The following MOSPD2 variants were observed in gnomAD, a reference collection of about 807,000 sequenced individuals.
MOSPD2 encodes motile sperm domain-containing protein 2.
A neutral mutation model predicts 41.7 loss-of-function variants in MOSPD2; 5 were observed. That is an observed-to-expected ratio of 0.12 (90% confidence interval 0.06 to 0.25). The LOEUF (loss-of-function observed/expected upper bound fraction) is 0.25. Among genes scored for constraint, MOSPD2 ranks in the 10% least tolerant of loss-of-function variants. MOSPD2 has a pLI of 1.00. For synonymous variants in MOSPD2, 115 were observed against 126.9 expected, an observed-to-expected ratio of 0.91 and a Z score of 0.63; for missense variants, 282 against 375.2, an observed-to-expected ratio of 0.75 and a Z score of 2.05.
At chrX:14,889,706 C>T (rs1324689740) in intron 2 of MOSPD2, among the ~76,000 whole-genome samples, 1 of 111,576 alleles carries the variant, frequency 9.0e-6, no homozygotes. Flanking sequence ...CAACAACTAG[C>T]ATGTTATATG....
rs766608454 is a variant in MOSPD2, at chrX:14,885,292, G to A, written c.80-7431G>A. The A allele has an allele frequency of 2.7e-5, 3 of 111,551 alleles. No homozygotes were observed. In the South Asian group the frequency reaches 1.1e-3, roughly 41 times the overall value. 9.2% of individuals were successfully genotyped at this position (111,551 alleles called of 1,213,427 possible). Reference sequence around the variant, plus strand: ...ACATTATTAAGCAACTACATCAGAAGTCACAATAATAGGTACTTAAAAACA... The same window carrying A: ...ACATTATTAAGCAACTACATCAGAAATCACAATAATAGGTACTTAAAAACA... On this transcript the variant is annotated intron_variant, in intron 2 of 14. Transcript: ENST00000380492.
intron 7 of MOSPD2, among the ~76,000 whole-genome samples, chrX:14,907,822 C>CT (rs1412082760): frequency 9.0e-6 from 1 of 111,003 alleles, no homozygotes; most frequent in Non-Finnish European, 1.9e-5. Flanking sequence ...CAACCATTGA[C>CT]TTGTATAAAG....
At chrX:14,908,776 A>G (rs1176368197) in intron 7 of MOSPD2, 84 bp from the exon 8 acceptor site, 1 of 915,115 alleles carries the variant, frequency 1.1e-6, no homozygotes, top group Non-Finnish European at 1.5e-6. Context: ...AACTGATTTC[A>G]GAAGACCTGG....
chrX:14,892,513 A>G (rs893320118), intron 2 of MOSPD2, among the ~76,000 whole-genome samples: 4 of 111,653 alleles, frequency 3.6e-5, no homozygotes, highest in Non-Finnish European at 7.5e-5. Context: ...ATCAGATTTC[A>G]ACAAGAGACT....
intron 7 of MOSPD2, among the ~76,000 whole-genome samples, chrX:14,907,985 T>C (rs1038505644): frequency 1.8e-5 from 2 of 112,229 alleles, no homozygotes; most frequent in African/African-American, 6.5e-5. Flanking sequence ...TATAGTTAGC[T>C]AAAATAAAAA....
intron 10 of MOSPD2, among the ~76,000 whole-genome samples, chrX:14,913,747 A>C (rs1022598379): frequency 6.2e-5 from 7 of 112,359 alleles, no homozygotes; most frequent in African/African-American, 1.9e-4. Context: ...AATTCACTTT[A>C]GTTAAATTAT....
At chrX:14,912,452 T>C in intron 10 of MOSPD2, 91 bp downstream of exon 10, 1 of 576,250 alleles carries the variant, frequency 1.7e-6, no homozygotes, top group East Asian at 4.0e-5. Flanking sequence ...TCTATTTGGT[T>C]TTTGAAACTG....
chrX:14,891,192 TACTTCTGG>T (rs1380652327), intron 2 of MOSPD2, among the ~76,000 whole-genome samples: 4 of 112,257 alleles, frequency 3.6e-5, no homozygotes, highest in Admixed American at 9.5e-5. Context: ...ACCAACCTAA[TACTTCTGG>T]ACTCAGGGAA....
At chrX:14,873,582 C>T (rs1284535735) in intron 1 of MOSPD2, 45 bp downstream of exon 1, 1 of 1,211,210 alleles carries the variant, frequency 8.3e-7, no homozygotes. Flanking sequence ...GACCCGGAAG[C>T]CGCCTCTGAG....
intron 10 of MOSPD2, 142 bp downstream of exon 10, chrX:14,912,503 G>C (rs1365178464): frequency 2.7e-6 from 1 of 370,724 alleles, no homozygotes; most frequent in African/African-American, 2.7e-5. Context: ...ACTTACCTTG[G>C]TTTCCAGACG....
intron 2 of MOSPD2, among the ~76,000 whole-genome samples, chrX:14,878,977 G>A (rs1361100157): frequency 1.8e-5 from 2 of 111,971 alleles, no homozygotes; most frequent in Non-Finnish European, 3.8e-5. Context: ...TGCATTTGGT[G>A]TTACTCATTC....
intron 2 of MOSPD2, among the ~76,000 whole-genome samples, chrX:14,887,123 G>C (rs1170197140): frequency 8.9e-6 from 1 of 112,139 alleles, no homozygotes; most frequent in Non-Finnish European, 1.9e-5. Context: ...GGAGAAATAA[G>C]AGATCCTAAG....
At chrX:14,888,190 A>ATG (rs1489517002) in intron 2 of MOSPD2, among the ~76,000 whole-genome samples, 3,687 of 75,365 alleles carry the variant, frequency 0.049, 84 homozygotes, top group African/African-American at 0.096. Flanking sequence ...TATTGGGAGA[A>ATG]TATATACACA....
chrX:14,895,281 T>C, intron 3 of MOSPD2, 27 bp from the exon 4 acceptor site: 1 of 891,465 alleles, frequency 1.1e-6, no homozygotes, highest in Non-Finnish European at 1.6e-6. Flanking sequence ...AAATTACAAC[T>C]ACTGATCAAA....
chrX:14,905,901 G>C (rs1194396619), intron 7 of MOSPD2, among the ~76,000 whole-genome samples: 4 of 110,932 alleles, frequency 3.6e-5, no homozygotes, highest in Admixed American at 2.9e-4. Flanking sequence ...TTGTCGTATT[G>C]GTTTTATTTA....
chrX:14,878,975 G>A (rs889236329), intron 2 of MOSPD2, among the ~76,000 whole-genome samples: 2 of 111,852 alleles, frequency 1.8e-5, no homozygotes, highest in Admixed American at 1.9e-4. Context: ...TCTGCATTTG[G>A]TGTTACTCAT....
intron 3 of MOSPD2, among the ~76,000 whole-genome samples, chrX:14,894,316 A>ATTTTTTT (rs759189386): frequency 1.5e-5 from 1 of 66,534 alleles, no homozygotes. Flanking sequence ...TTATTGATTG[A>ATTTTTTT]TTTTTTTTTT....
rs1459016466 is a variant in MOSPD2, at chrX:14,922,138, AT to A, written c.*2330del. 2 of 111,523 alleles carry A rather than the reference AT, an allele frequency of 1.8e-5. No homozygotes were observed. Among genetic ancestry groups the A allele is most frequent in the Non-Finnish European group, 3.8e-5 (2 of 53,116 alleles). 9.2% of individuals were successfully genotyped at this position (111,523 alleles called of 1,213,427 possible). On this transcript the variant is annotated 3_prime_UTR_variant, in exon 15 of 15. Coordinates refer to ENST00000380492, the MANE Select transcript of MOSPD2 (RefSeq NM_152581.4). ...CTTTATTGTACAACTACAAAAAAAA[AT>A]ATATTCCTAGAATTGTTGCCAGTGT...
intron 2 of MOSPD2, among the ~76,000 whole-genome samples, chrX:14,879,294 C>T (rs1486798901): frequency 9.0e-6 from 1 of 111,697 alleles, no homozygotes; most frequent in Non-Finnish European, 1.9e-5. Flanking sequence ...TTGTCTTGGG[C>T]AGTGGTTCTC....
Sources: allele counts gnomAD v4.1 joint callset (sites outside exome capture counted in the v4.1 genomes callset), GRCh38; gene constraint gnomAD v4.1.1; transcripts MANE v1.5; gene names NCBI Gene and HGNC (gene_info 2026-07-23, HGNC 2026-07-21).